Variants in AUTS2 observed in about 807,000 individuals in gnomAD.
AUTS2 encodes activator of transcription and developmental regulator AUTS2, also known as autism susceptibility gene 2 protein.
AUTS2 carries 17 observed loss-of-function variants against 112.4 expected under a neutral mutation model. The observed-to-expected ratio is 0.15, with a 90% CI of 0.10 to 0.23. The LOEUF (loss-of-function observed/expected upper bound fraction) is 0.23, where lower values mean the gene tolerates loss of function less well. Among genes scored for constraint, AUTS2 ranks in the 10% least tolerant of loss-of-function variants. AUTS2 has a pLI of 1.00. For missense variants in AUTS2, 1,510 were observed against 1,701.6 expected (o/e 0.89, Z 1.98); for synonymous variants, 751 against 702.7 (o/e 1.07, Z -1.09).
chr7:70,698,593 C>T lies in AUTS2; in HGVS notation c.715C>T (p.Leu239Phe). Residue 239 changes from leucine (L) to phenylalanine (F), a missense_variant, in exon 6 of 19, where the codon CTC (leucine) becomes TTC (phenylalanine). Coordinates refer to ENST00000342771, the MANE Select transcript of AUTS2 (RefSeq NM_015570.4). The part of the protein sequence containing the change: ...EKASDASSEK[L>F]FNTVIVNKDP... ...GGCATCAGATGCCAGCTCTGAAAAA[C>T]TCTTCAACACTGTTATTGTAAACAA... 6.2e-7 allele frequency: 1 copy of T among 1,607,246 alleles called. No homozygotes were observed. Among genetic ancestry groups the T allele is most frequent in the Non-Finnish European group, 8.5e-7 (1 of 1,176,906 alleles).
chr7:70,559,014 T>C (rs2129522399), intron 5 of AUTS2, among the ~76,000 whole-genome samples: 1 of 152,328 alleles, frequency 6.6e-6, no homozygotes, highest in East Asian at 1.9e-4. Flanking sequence ...GGGAGGGACC[T>C]GGTGGGAGGT....
At chr7:70,234,815 C>A (rs1362569390) in intron 4 of AUTS2, among the ~76,000 whole-genome samples, 2 of 152,114 alleles carry the variant, frequency 1.3e-5, no homozygotes, top group Non-Finnish European at 2.9e-5. Context: ...GGGATCTTCA[C>A]ACCTGGAATA....
intron 1 of AUTS2, among the ~76,000 whole-genome samples, chr7:69,876,083 G>A (rs2129536670): frequency 6.6e-6 from 1 of 151,424 alleles, no homozygotes; most frequent in African/African-American, 2.4e-5. Flanking sequence ...AATATGCAGT[G>A]TGGCCAGGTG....
chr7:70,123,297 A>T (rs1805786212), intron 3 of AUTS2, among the ~76,000 whole-genome samples: 1 of 152,152 alleles, frequency 6.6e-6, no homozygotes, highest in Non-Finnish European at 1.5e-5. Context: ...GAGAATTAAC[A>T]ATTAATTTAT....
chr7:70,150,005 G>A (rs538917726), intron 4 of AUTS2, among the ~76,000 whole-genome samples: 1 of 152,000 alleles, frequency 6.6e-6, no homozygotes, highest in South Asian at 2.1e-4. Flanking sequence ...GTTTACTCAT[G>A]TACTTAAAAC....
chr7:70,705,547 A>G (rs982361136), intron 6 of AUTS2, among the ~76,000 whole-genome samples: 3 of 152,206 alleles, frequency 2.0e-5, no homozygotes, highest in Non-Finnish European at 4.4e-5. Context: ...ACAGCTGTCT[A>G]TTGAAGAGCC....
chr7:70,261,685 G>A (rs1399605061), intron 4 of AUTS2, among the ~76,000 whole-genome samples: 1 of 152,082 alleles, frequency 6.6e-6, no homozygotes, highest in Non-Finnish European at 1.5e-5. Context: ...CAAGTTAATT[G>A]ACTTAATAAA....
chr7:70,365,890 T>C (rs2129628775), intron 4 of AUTS2, among the ~76,000 whole-genome samples: 1 of 152,330 alleles, frequency 6.6e-6, no homozygotes, highest in African/African-American at 2.4e-5. Flanking sequence ...CTAACATTCA[T>C]CCTTTACTTA....
intron 5 of AUTS2, among the ~76,000 whole-genome samples, chr7:70,589,848 T>G (rs1802857139): frequency 6.6e-6 from 1 of 152,208 alleles, no homozygotes; most frequent in Non-Finnish European, 1.5e-5. Flanking sequence ...AGGTTTGTTC[T>G]CAGGCCTGCC....
chr7:70,303,235 C>T (rs1489302268), intron 4 of AUTS2, among the ~76,000 whole-genome samples: 1 of 152,124 alleles, frequency 6.6e-6, no homozygotes, highest in East Asian at 1.9e-4. Context: ...CCCCCACTTC[C>T]ACTCGGAAAT....
intron 5 of AUTS2, among the ~76,000 whole-genome samples, chr7:70,670,103 G>C (rs935374639): frequency 6.6e-6 from 1 of 152,174 alleles, no homozygotes; most frequent in Non-Finnish European, 1.5e-5. Context: ...ACGCTGCCTG[G>C]TCTCTGTAGA....
intron 5 of AUTS2, among the ~76,000 whole-genome samples, chr7:70,452,000 C>T (rs528605921): frequency 1.3e-4 from 20 of 152,216 alleles, no homozygotes; most frequent in Non-Finnish European, 2.6e-4. Flanking sequence ...ATATAGGAAA[C>T]GCCTAGAAAG....
chr7:69,771,005 C>T (rs554354478), intron 1 of AUTS2, among the ~76,000 whole-genome samples: 11 of 152,236 alleles, frequency 7.2e-5, no homozygotes, highest in Admixed American at 2.6e-4. Flanking sequence ...TGACTTCACC[C>T]GCCAACTCCT....
At chr7:70,357,550 C>T (rs1792067217) in intron 4 of AUTS2, among the ~76,000 whole-genome samples, 1 of 152,214 alleles carries the variant, frequency 6.6e-6, no homozygotes, top group South Asian at 2.1e-4. Context: ...CTCTTGGCAA[C>T]TGCATTCCTC....
At chr7:69,656,263 C>T (rs903548491) in intron 1 of AUTS2, among the ~76,000 whole-genome samples, 1 of 152,192 alleles carries the variant, frequency 6.6e-6, no homozygotes, top group African/African-American at 2.4e-5. Context: ...ACCCCTAGAT[C>T]TCCTGGAAAG....
At chr7:70,035,765 C>T (rs557779800) in intron 2 of AUTS2, among the ~76,000 whole-genome samples, 4 of 152,208 alleles carry the variant, frequency 2.6e-5, no homozygotes, top group South Asian at 4.1e-4. Flanking sequence ...TTTCTTGTTC[C>T]TCCTCATTTC....
At chr7:70,670,010 C>G (rs1307811692) in intron 5 of AUTS2, among the ~76,000 whole-genome samples, 8 of 152,272 alleles carry the variant, frequency 5.3e-5, no homozygotes, top group African/African-American at 1.7e-4. Flanking sequence ...TACTCTTCAA[C>G]AAAACAGAGG....
At chr7:69,735,152 G>GT (rs1159762118) in intron 1 of AUTS2, among the ~76,000 whole-genome samples, 1 of 152,094 alleles carries the variant, frequency 6.6e-6, no homozygotes, top group Non-Finnish European at 1.5e-5. Flanking sequence ...TAAACAGAGC[G>GT]TTTTTTCATA....
intron 3 of AUTS2, among the ~76,000 whole-genome samples, chr7:70,129,901 TTGTGTGTG>T (rs34163076): frequency 2.0e-5 from 3 of 147,320 alleles, no homozygotes; most frequent in African/African-American, 7.5e-5. Context: ...TATATATATA[TTGTGTGTG>T]TGTGTGTGTG....
Sources: gnomAD v4.1 joint callset for allele counts (sites outside exome capture counted in the v4.1 genomes callset) on GRCh38, gnomAD v4.1.1 for gene constraint, MANE v1.5 for transcripts, NCBI Gene and HGNC (gene_info 2026-07-23, HGNC 2026-07-21) for gene names.